Variants in ETNK1 observed in about 807,000 individuals in gnomAD.
The protein encoded by ETNK1 is putative protein product of Nbla10396.
In ETNK1, 8 loss-of-function variants were observed where a neutral mutation model predicts 45.1. The ratio of observed to expected loss-of-function variants is 0.18; its 90% CI spans 0.10 to 0.32. The LOEUF is 0.32. Ranked by LOEUF, ETNK1 falls within the 10% of genes least tolerant of loss-of-function variation. ETNK1 has a pLI of 1.00. For missense variants in ETNK1, 302 were observed against 430.6 expected (o/e 0.70, Z 2.64); for synonymous variants, 152 against 151.9 (o/e 1.00, Z -0.01).
In ETNK1 at chr12:22,690,516, C is replaced by T. The variant is rs1954294867; in HGVS notation, c.*5562C>T. On this transcript the variant is annotated 3_prime_UTR_variant, in exon 8 of 8. Coordinates refer to ENST00000266517, the MANE Select transcript of ETNK1 (RefSeq NM_018638.5). ...ATAAACTTTTAATGAAGCTGTTTGT[C>T]TTTCAGTTCAAATATAAGTGATGTT... 6.6e-6 allele frequency: 1 copy of T among 152,498 alleles called. No individual in the cohort carries two copies. Among genetic ancestry groups the T allele is most frequent in the African/African-American group, 2.4e-5 (1 of 41,434 alleles). 9.4% of individuals were successfully genotyped at this position (152,498 alleles called of 1,614,324 possible).
At chr12:22,642,637 T>C (rs1953753866) in intron 1 of ETNK1, among the ~76,000 whole-genome samples, 2 of 152,068 alleles carry the variant, frequency 1.3e-5, no homozygotes, top group Non-Finnish European at 2.9e-5. Context: ...TAATATCATA[T>C]CAATCTAATT....
intron 3 of ETNK1, among the ~76,000 whole-genome samples, chr12:22,660,042 A>G (rs1953983846): frequency 6.6e-6 from 1 of 151,686 alleles, no homozygotes; most frequent in African/African-American, 2.4e-5. Flanking sequence ...TTTAAAAAAA[A>G]AAAAAAAAAA....
chr12:22,632,610 C>A (rs1031496058), intron 1 of ETNK1, among the ~76,000 whole-genome samples: 2 of 151,838 alleles, frequency 1.3e-5, no homozygotes, highest in African/African-American at 2.4e-5. Flanking sequence ...CCTGAGCTCA[C>A]GCGATCCCTT....
Position 22,686,851 on chromosome 12 carries a change from A to ATTTTTTATTT in ETNK1, c.*1903_*1904insATTTTTTTTT, listed in dbSNP as rs1954264122. 1.4e-5 allele frequency: 1 copy of ATTTTTTATTT among 69,262 alleles called. No homozygotes were observed. Among genetic ancestry groups the ATTTTTTATTT allele is most frequent in the Non-Finnish European group, 2.8e-5 (1 of 36,074 alleles). 4.3% of individuals were successfully genotyped at this position (69,262 alleles called of 1,614,324 possible). A position where few individuals can be genotyped will look rare whatever the true frequency, so the allele number is the denominator to read the frequency against. On this transcript the variant is annotated 3_prime_UTR_variant, in exon 8 of 8. Transcript: ENST00000266517. ...AGATAAAGAATGTGTAATACTCTTA[A>ATTTTTTATTT]TTTTTTTTTTTTTTTTTTTTTTTTT...
At chr12:22,673,701 T>C (rs1007926319) in intron 6 of ETNK1, 41 bp downstream of exon 6, 2 of 1,508,566 alleles carry the variant, frequency 1.3e-6, no homozygotes, top group Admixed American at 4.0e-5. Flanking sequence ...GTTCTTACTG[T>C]AATTGAAAAT....
At chr12:22,645,830 G>A (rs1011121056) in intron 2 of ETNK1, among the ~76,000 whole-genome samples, 7 of 151,598 alleles carry the variant, frequency 4.6e-5, no homozygotes, top group African/African-American at 7.2e-5. Flanking sequence ...TTAACTGTAC[G>A]TTCATACCCA....
intron 2 of ETNK1, 80 bp downstream of exon 2, chr12:22,644,102 T>G: frequency 6.7e-7 from 1 of 1,493,414 alleles, no homozygotes; most frequent in Non-Finnish European, 9.0e-7. Context: ...TAAAATTGTC[T>G]TTGTTTGAGC....
Position 22,688,373 on chromosome 12 carries a change from A to C in ETNK1, c.*3419A>C, listed in dbSNP as rs988211858. ...CTGAACTAAAAATATTTAACTTCATAAATATGTTACTACAGCTTCCAGATT... is the reference window on the plus strand; with the variant it reads ...CTGAACTAAAAATATTTAACTTCATCAATATGTTACTACAGCTTCCAGATT... On this transcript the variant is annotated 3_prime_UTR_variant, in exon 8 of 8. Coordinates refer to ENST00000266517, the MANE Select transcript of ETNK1 (RefSeq NM_018638.5). The C allele has an allele frequency of 6.6e-6, 1 of 151,882 alleles. No individual in the cohort carries two copies. Among genetic ancestry groups the C allele is most frequent in the Non-Finnish European group, 1.5e-5 (1 of 67,758 alleles). 9.4% of individuals were successfully genotyped at this position (151,882 alleles called of 1,614,324 possible).
At chr12:22,635,464 T>A (rs1953643755) in intron 1 of ETNK1, among the ~76,000 whole-genome samples, 1 of 152,252 alleles carries the variant, frequency 6.6e-6, no homozygotes, top group Non-Finnish European at 1.5e-5. Context: ...CATGCAGTGC[T>A]TGACTGTGCA....
At chr12:22,668,299 C>T (rs919861321) in intron 4 of ETNK1, among the ~76,000 whole-genome samples, 5 of 151,992 alleles carry the variant, frequency 3.3e-5, no homozygotes, top group East Asian at 3.9e-4. Flanking sequence ...TGTGGATATT[C>T]GTTTAAATAA....
At chr12:22,681,576 T>C (rs1258717416) in intron 6 of ETNK1, among the ~76,000 whole-genome samples, 8 of 152,016 alleles carry the variant, frequency 5.3e-5, no homozygotes. Flanking sequence ...CTTTTGTTTT[T>C]GTGAAATAAT....
intron 1 of ETNK1, among the ~76,000 whole-genome samples, chr12:22,636,416 C>G (rs1953655898): frequency 6.6e-6 from 1 of 151,886 alleles, no homozygotes. Flanking sequence ...AGTTTTTGCT[C>G]TATATCTTTT....
intron 1 of ETNK1, among the ~76,000 whole-genome samples, chr12:22,641,314 G>A (rs933226357): frequency 6.6e-6 from 1 of 152,132 alleles, no homozygotes; most frequent in Admixed American, 6.6e-5. Flanking sequence ...TACCTAGAAC[G>A]CTGAAGAAAT....
chr12:22,643,077 G>A (rs934248490), intron 1 of ETNK1, among the ~76,000 whole-genome samples: 4 of 151,776 alleles, frequency 2.6e-5, no homozygotes, highest in Non-Finnish European at 1.5e-5. Flanking sequence ...GTAAGGTTGC[G>A]TTTTTGTTTG....
At chr12:22,659,459 T>C (rs1457004775) in intron 3 of ETNK1, among the ~76,000 whole-genome samples, 4 of 152,144 alleles carry the variant, frequency 2.6e-5, no homozygotes, top group Non-Finnish European at 4.4e-5. Flanking sequence ...TCTTGACTTT[T>C]TAAGATACTG....
In ETNK1 at chr12:22,684,904, C is replaced by T; in HGVS notation, c.1042C>T (p.Gln348Ter). The change falls in exon 8 of 8, where the codon CAG (glutamine) becomes TAG (stop). Residue 348 changes from glutamine (Q) to a stop codon, truncating the protein, a stop_gained. Transcript: ENST00000266517. LOFTEE classifies it high-confidence loss of function. ...TAGGTATGCAATTGTTCGTTTTAAC[C>T]AGTACTTTAAAATGAAGCCTGAGGT... ...FLGYAIVRFN[Q>*]YFKMKPEVTA... The T allele has an allele frequency of 6.2e-7, 1 of 1,606,210 alleles. No homozygotes were observed. Among genetic ancestry groups the T allele is most frequent in the South Asian group, 1.1e-5 (1 of 89,552 alleles).
chr12:22,632,753 C>T lies in ETNK1; in HGVS notation c.156+7167C>T, dbSNP rs904471024. On this transcript the variant is annotated intron_variant, in intron 1 of 7. Coordinates refer to ENST00000266517, the MANE Select transcript of ETNK1 (RefSeq NM_018638.5). Reference sequence around the variant, plus strand: ...CTGGCTTCAAGTGATCCTCTTGCCTCAGCCTCCCAAAGTGCTGGGATTACA... The same window carrying T: ...CTGGCTTCAAGTGATCCTCTTGCCTTAGCCTCCCAAAGTGCTGGGATTACA... 2.0e-5 allele frequency among the ~76,000 whole-genome samples: 3 copies of T among 152,250 alleles called. No individual in the cohort carries two copies. The East Asian group carries it at 5.8e-4, about 29-fold the overall frequency.
chr12:22,639,958 G>C lies in ETNK1; in HGVS notation c.157-3805G>C, dbSNP rs917527239. 2.0e-5 allele frequency among the ~76,000 whole-genome samples: 3 copies of C among 152,182 alleles called. No individual in the cohort carries two copies. In the East Asian group the frequency reaches 5.8e-4, roughly 29 times the overall value. On this transcript the variant is annotated intron_variant, in intron 1 of 7. Coordinates refer to ENST00000266517, the MANE Select transcript of ETNK1 (RefSeq NM_018638.5). ...TTCTCTCATTAATTAGATCGGTTTGGATATTATGAAATACAGTTTGTAGAA... is the reference window on the plus strand; with the variant it reads ...TTCTCTCATTAATTAGATCGGTTTGCATATTATGAAATACAGTTTGTAGAA...
At chr12:22,633,967 G>A (rs544023638) in intron 1 of ETNK1, among the ~76,000 whole-genome samples, 11 of 152,016 alleles carry the variant, frequency 7.2e-5, no homozygotes, top group Admixed American at 1.3e-4. Flanking sequence ...CACTAGTAAG[G>A]ACCTCTCTAA....
Sources: gnomAD v4.1 joint callset for allele counts (sites outside exome capture counted in the v4.1 genomes callset) on GRCh38, gnomAD v4.1.1 for gene constraint, MANE v1.5 for transcripts, NCBI Gene and HGNC (gene_info 2026-07-23, HGNC 2026-07-21) for gene names.